MRPS5: variants seen among roughly 807,000 people sequenced by gnomAD.
MRPS5 encodes mitochondrial ribosomal protein S5, also known as small ribosomal subunit protein uS5m.
MRPS5 carries 27 observed loss-of-function variants against 51.9 expected under a neutral mutation model. The observed-to-expected ratio is 0.52, with a 90% CI of 0.38 to 0.72. The LOEUF is 0.72. Ranked by LOEUF, MRPS5 falls within the 30% of genes least tolerant of loss-of-function variation. MRPS5 has a pLI of 0.00. For synonymous variants in MRPS5, 196 were observed against 193.2 expected (o/e 1.01, Z -0.12); for missense variants, 570 against 545.7 (o/e 1.04, Z -0.44).
chr2:95,117,127 C>G (rs1050368330), intron 2 of MRPS5, among the ~76,000 whole-genome samples: 1 of 147,352 alleles, frequency 6.8e-6, no homozygotes, highest in African/African-American at 2.5e-5. Context: ...GGCAACAGAG[C>G]AAGACTCCAT....
At chr2:95,108,449 C>G (rs2104418010) in intron 4 of MRPS5, 41 bp from the exon 5 acceptor site, 1 of 1,521,452 alleles carries the variant, frequency 6.6e-7, no homozygotes, top group African/African-American at 1.4e-5. Context: ...TGTTAAAGTA[C>G]TCATTTTTCA....
rs765703237 is a variant in MRPS5, at chr2:95,113,743, G to A, written c.277+1323C>T. Among the ~76,000 whole-genome samples, 52 of 152,180 alleles carry A rather than the reference G, an allele frequency of 3.4e-4. No individual in the cohort carries two copies. The Middle Eastern group carries it at 0.017, about 50-fold the overall frequency. The stretch of plus-strand genomic sequence containing the variant: ...CCTACTAGGAGACTTCCAAATTAAA[G>A]TGAGCTGTATCCATACAATGAAATA... On this transcript the variant is annotated intron_variant, in intron 3 of 11. Coordinates refer to ENST00000272418, the MANE Select transcript of MRPS5 (RefSeq NM_031902.5).
intron 3 of MRPS5, among the ~76,000 whole-genome samples, chr2:95,114,676 C>T (rs1676233019): frequency 6.6e-6 from 1 of 152,162 alleles, no homozygotes; most frequent in Non-Finnish European, 1.5e-5. Context: ...TAAATGCTAT[C>T]ACAAATAAGA....
At chr2:95,116,583 C>T (rs1676290820) in intron 2 of MRPS5, among the ~76,000 whole-genome samples, 1 of 152,216 alleles carries the variant, frequency 6.6e-6, no homozygotes, top group Non-Finnish European at 1.5e-5. Flanking sequence ...TACTCAGTTA[C>T]AGATTATCAA....
chr2:95,121,896 C>A, upstream of MRPS5: 1 of 1,290,900 alleles, frequency 7.7e-7, no homozygotes, highest in Middle Eastern at 1.9e-4. Flanking sequence ...CAGCGGAATT[C>A]CTGAGGCCCG....
chr2:95,114,752 C>A (rs181438357), intron 3 of MRPS5, among the ~76,000 whole-genome samples: 1 of 152,130 alleles, frequency 6.6e-6, no homozygotes, highest in East Asian at 1.9e-4. Flanking sequence ...GTCTCCTCAA[C>A]TAAGGCACGA....
chr2:95,120,400 G>A (rs770341650), intron 1 of MRPS5, among the ~76,000 whole-genome samples: 18 of 152,180 alleles, frequency 1.2e-4, no homozygotes, highest in Non-Finnish European at 1.9e-4. Context: ...GCAAGCTACA[G>A]AGAGAGAGAA....
intron 1 of MRPS5, among the ~76,000 whole-genome samples, chr2:95,121,076 C>A (rs548235634): frequency 6.7e-4 from 102 of 152,116 alleles, no homozygotes; most frequent in Non-Finnish European, 1.3e-3. Context: ...CGAGATCGCA[C>A]CATTGCACTC....
Position 95,121,793 on chromosome 2 carries a change from C to G in MRPS5, c.-2G>C, listed in dbSNP as rs1365240022. ...CACAGCGCGCACCGCGGTCGCCATG[C>G]TGGAGTCCGAGCCGCGCCTCGGCCT... is the stretch of plus-strand genomic sequence containing the variant. On this transcript the variant is annotated 5_prime_UTR_variant, in exon 1 of 12. Coordinates refer to ENST00000272418, the MANE Select transcript of MRPS5 (RefSeq NM_031902.5). The G allele has an allele frequency of 3.2e-6, 5 of 1,545,510 alleles. No individual in the cohort carries two copies. In the African/African-American group the frequency reaches 5.6e-5, roughly 17 times the overall value.
Position 95,110,057 on chromosome 2 carries a change from GTTTCT to G in MRPS5, c.278-21_278-17del. 2.5e-6 allele frequency: 4 copies of G among 1,600,912 alleles called. No homozygotes were observed. The highest frequency in any genetic ancestry group is 3.4e-6 in the Non-Finnish European group (4 of 1,176,968). ...TCTGCAGTCACTGTAACGAAACAGG[GTTTCT>G]TTTCTTAATTCTGTAGTTTTCAAGC... On this transcript the variant is annotated splice_polypyrimidine_tract_variant and intron_variant, in intron 3 of 11. Transcript: ENST00000272418.
intron 4 of MRPS5, 118 bp downstream of exon 4, chr2:95,109,798 C>G: frequency 3.4e-6 from 4 of 1,172,408 alleles, no homozygotes; most frequent in African/African-American, 1.6e-5. Context: ...ATTCTAAAAC[C>G]ATAGATCGTA....
intron 10 of MRPS5, 50 bp from the exon 11 acceptor site, chr2:95,090,572 A>G: frequency 6.2e-7 from 1 of 1,610,256 alleles, no homozygotes; most frequent in Non-Finnish European, 8.5e-7. Context: ...CTGCAGCCGG[A>G]GGAGTCACCC....
intron 11 of MRPS5, among the ~76,000 whole-genome samples, chr2:95,088,658 G>A (rs1422606731): frequency 6.6e-6 from 1 of 152,154 alleles, no homozygotes; most frequent in Admixed American, 6.5e-5. Context: ...TTTCCTTTTT[G>A]AGTGACATAT....
At position 95,085,689 on chromosome 2, in the gene MRPS5, T is replaced by C. The variant is rs1054027109; in HGVS notation, c.*1668A>G. 1.3e-5 allele frequency among the ~76,000 whole-genome samples: 2 copies of C among 152,056 alleles called. No individual in the cohort carries two copies. The highest frequency in any genetic ancestry group is 4.8e-5 in the African/African-American group (2 of 41,392). On this transcript the variant is annotated 3_prime_UTR_variant, in exon 12 of 12. Coordinates refer to ENST00000272418, the MANE Select transcript of MRPS5 (RefSeq NM_031902.5). Reference sequence around the variant, plus strand: ...CGACAGGAGGAAACCTGGATCTCCATCCTCACCAGGCAGTAACGAGGCAGT... The same window carrying C: ...CGACAGGAGGAAACCTGGATCTCCACCCTCACCAGGCAGTAACGAGGCAGT...
At chr2:95,118,955 A>G (rs1459576493) in intron 1 of MRPS5, among the ~76,000 whole-genome samples, 1 of 152,240 alleles carries the variant, frequency 6.6e-6, no homozygotes, top group African/African-American at 2.4e-5. Context: ...TTCTTAGATG[A>G]GACACCAAAA....
Position 95,115,116 on chromosome 2 carries a change from G to C in MRPS5, c.227C>G (p.Pro76Arg), listed in dbSNP as rs200418387. 1,197 of 1,612,340 alleles carry C rather than the reference G, an allele frequency of 7.4e-4. 15 individuals are homozygous for C. The South Asian group carries it at 0.01, about 14-fold the overall frequency. The part of the protein sequence containing the change: ...ALQTQCCISS[P>R]SHLMSQQYRP... The stretch of plus-strand genomic sequence containing the variant: ...ATACTGCTGGCTCATCAGGTGACTG[G>C]GAGAAGAAATACAGCATTGTGTCTG... The change falls in exon 3 of 12, where the codon CCC (proline) becomes CGC (arginine). Residue 76 changes from proline to arginine, a missense_variant. Transcript: ENST00000272418.
intron 1 of MRPS5, among the ~76,000 whole-genome samples, chr2:95,118,864 A>T (rs1425841584): frequency 2.0e-5 from 3 of 152,226 alleles, no homozygotes; most frequent in African/African-American, 2.4e-5. Flanking sequence ...TGCACCAAAG[A>T]CTTATAGGTA....
At chr2:95,106,620 A>C (rs1478773294) in intron 5 of MRPS5, 163 bp from the exon 6 acceptor site, 2 of 645,088 alleles carry the variant, frequency 3.1e-6, no homozygotes, top group African/African-American at 1.8e-5. Flanking sequence ...TCATCACTAG[A>C]GACTGCTCCA....
In MRPS5 at chr2:95,095,928, T is replaced by C. The variant is rs561839571; in HGVS notation, c.931+4546A>G. On this transcript the variant is annotated intron_variant, in intron 10 of 11. Transcript: ENST00000272418. ...ATCAATGAATCCAGCAGCTCATTTT[T>C]TGAAAAGATCAACAAAATTGATAGA... Among the ~76,000 whole-genome samples the C allele has an allele frequency of 1.2e-3, 181 of 152,260 alleles. 3 individuals carry two copies. The South Asian group carries it at 0.035, about 30-fold the overall frequency.
Sources: gnomAD v4.1 joint callset for allele counts (sites outside exome capture counted in the v4.1 genomes callset) on GRCh38, gnomAD v4.1.1 for gene constraint, MANE v1.5 for transcripts, NCBI Gene and HGNC (gene_info 2026-07-23, HGNC 2026-07-21) for gene names.